Variants in INVS observed in about 807,000 individuals in gnomAD.
INVS encodes inversion of embryo turning homolog.
Under a neutral mutation model 108.8 loss-of-function variants are expected in INVS, and 86 were observed. That is an observed-to-expected ratio of 0.79 (90% CI 0.66 to 0.95). The LOEUF (loss-of-function observed/expected upper bound fraction) is 0.95, where lower values mean the gene tolerates loss of function less well. INVS is among the 40% of genes least tolerant of loss of function. The pLI, the probability that INVS is intolerant of heterozygous loss-of-function variation, is 0.00. For missense variants in INVS, 1,169 were observed against 1,297.4 expected, an observed-to-expected ratio of 0.90 and a Z score of 1.52; for synonymous variants, 455 against 473.5, an observed-to-expected ratio of 0.96 and a Z score of 0.51.
chr9:100,245,883 G>A (rs1276592598), intron 7 of INVS, among the ~76,000 whole-genome samples: 2 of 152,086 alleles, frequency 1.3e-5, no homozygotes, highest in African/African-American at 2.4e-5. Context: ...GTATTTTATG[G>A]GCCAGGTACA....
At chr9:100,221,899 A>G (rs1298125089) in intron 3 of INVS, among the ~76,000 whole-genome samples, 2 of 152,124 alleles carry the variant, frequency 1.3e-5, no homozygotes, top group Non-Finnish European at 2.9e-5. Flanking sequence ...TGCCTAATTT[A>G]TAAATTAAAC....
intron 5 of INVS, among the ~76,000 whole-genome samples, chr9:100,235,752 G>A (rs1831669625): frequency 6.6e-6 from 1 of 152,160 alleles, no homozygotes; most frequent in Non-Finnish European, 1.5e-5. Context: ...AGTCTGATGG[G>A]TTTCCCTTTA....
At chr9:100,155,320 A>G (rs886272116) in intron 3 of INVS, among the ~76,000 whole-genome samples, 9 of 151,786 alleles carry the variant, frequency 5.9e-5, no homozygotes, top group African/African-American at 2.2e-4. Context: ...TATTCAAGTG[A>G]ATTTATTATT....
chr9:100,157,434 T>C (rs534065018), intron 3 of INVS, among the ~76,000 whole-genome samples: 2 of 151,780 alleles, frequency 1.3e-5, no homozygotes, highest in East Asian at 3.9e-4. Flanking sequence ...CTGGCTAATT[T>C]TTTTTGTATT....
At chr9:100,180,745 T>C (rs941718759) in intron 3 of INVS, among the ~76,000 whole-genome samples, 2 of 151,776 alleles carry the variant, frequency 1.3e-5, no homozygotes, top group East Asian at 1.9e-4. Flanking sequence ...TTCCAATCAA[T>C]AGAAAAAGAG....
chr9:100,176,352 A>G (rs1829710663), intron 3 of INVS, among the ~76,000 whole-genome samples: 1 of 152,242 alleles, frequency 6.6e-6, no homozygotes, highest in South Asian at 2.1e-4. Context: ...ATAAGTAGAT[A>G]TAATACTAGT....
chr9:100,279,034 T>C (rs1482516012), intron 12 of INVS, among the ~76,000 whole-genome samples: 1 of 152,178 alleles, frequency 6.6e-6, no homozygotes, highest in Non-Finnish European at 1.5e-5. Flanking sequence ...TTAGAGAATA[T>C]TGGGAAGAAC....
At chr9:100,193,209 G>C (rs1830277046) in intron 3 of INVS, among the ~76,000 whole-genome samples, 1 of 151,942 alleles carries the variant, frequency 6.6e-6, no homozygotes, top group South Asian at 2.1e-4. Context: ...TATACTGCTG[G>C]CCATGAACAA....
chr9:100,230,021 T>C (rs1345660730), intron 5 of INVS, among the ~76,000 whole-genome samples, 194 bp downstream of exon 5: 3 of 152,182 alleles, frequency 2.0e-5, no homozygotes, highest in Non-Finnish European at 4.4e-5. Flanking sequence ...AGGTTTCCTA[T>C]GTCCCAGTTT....
At chr9:100,242,966 T>C (rs1831927556) in intron 7 of INVS, among the ~76,000 whole-genome samples, 1 of 152,222 alleles carries the variant, frequency 6.6e-6, no homozygotes, top group African/African-American at 2.4e-5. Context: ...CTTAGACTCA[T>C]TTGTCTGTTT....
Position 100,300,586 on chromosome 9 carries a change from T to C in INVS, c.3110T>C (p.Ile1037Thr). ...RLNSVSNLQC[I>T]HLLENSGRSK... ...TTAACAGTGAGCAACCTACAGTGTA[T>C]ACATCTCCTTGAGAACAGTGGAAGA... The change falls in exon 17 of 17, where the codon ATA becomes ACA. Residue 1037 changes from isoleucine to threonine, a missense_variant. Physicochemically the swap from Ile to Thr is moderately conservative, Grantham distance 89 (BLOSUM62 -1). Around this residue, in one of 3 missense-constraint regions of INVS, gnomAD observed 533 missense variants for 536.0 expected, o/e 0.99. Coordinates refer to ENST00000262457, the MANE Select transcript of INVS (RefSeq NM_014425.5). The C allele has an allele frequency of 6.2e-7, 1 of 1,612,104 alleles. No individual in the cohort carries two copies. The highest frequency in any genetic ancestry group is 8.5e-7 in the Non-Finnish European group (1 of 1,178,164).
chr9:100,282,407 G>T (rs142674595), intron 12 of INVS, among the ~76,000 whole-genome samples: 1 of 152,256 alleles, frequency 6.6e-6, no homozygotes, highest in East Asian at 1.9e-4. Context: ...CCATGTTCTC[G>T]GTAATGGGAC....
chr9:100,208,542 C>A (rs920824830), intron 3 of INVS, among the ~76,000 whole-genome samples: 2 of 152,132 alleles, frequency 1.3e-5, no homozygotes, highest in Non-Finnish European at 2.9e-5. Flanking sequence ...ACAGGTCCCC[C>A]AAAGGCACAC....
At chr9:100,105,850 CTTT>C (rs543070811) in intron 2 of INVS, among the ~76,000 whole-genome samples, 2 of 63,786 alleles carry the variant, frequency 3.1e-5, no homozygotes, top group Non-Finnish European at 5.6e-5. Flanking sequence ...GAAAAATTCC[CTTT>C]TTTTTTTTTT....
chr9:100,271,495 A>G (rs908333518), intron 11 of INVS, among the ~76,000 whole-genome samples: 5 of 152,232 alleles, frequency 3.3e-5, no homozygotes, highest in African/African-American at 1.2e-4. Flanking sequence ...GCAGATCTAT[A>G]AGATAAATTC....
chr9:100,246,539 C>A (rs910774647), intron 7 of INVS, 77 bp from the exon 8 acceptor site: 1 of 1,006,666 alleles, frequency 9.9e-7, no homozygotes, highest in African/African-American at 1.6e-5. Flanking sequence ...ATGGAATTCA[C>A]ATATTATTAT....
intron 3 of INVS, among the ~76,000 whole-genome samples, chr9:100,131,447 A>G (rs1238270449): frequency 6.6e-6 from 1 of 152,200 alleles, no homozygotes. Flanking sequence ...AATGGTACCC[A>G]TGAGAATAAA....
intron 3 of INVS, among the ~76,000 whole-genome samples, chr9:100,218,211 T>TA (rs1831048916): frequency 6.6e-6 from 1 of 151,744 alleles, no homozygotes; most frequent in Non-Finnish European, 1.5e-5. Flanking sequence ...TAGTGAACAT[T>TA]TATATATATA....
intron 3 of INVS, among the ~76,000 whole-genome samples, chr9:100,199,790 G>A (rs1193935762): frequency 1.3e-5 from 2 of 152,062 alleles, no homozygotes; most frequent in Non-Finnish European, 2.9e-5. Context: ...GTGCATAGAG[G>A]TAGTTTTCTT....
Sources: gnomAD v4.1 joint callset for allele counts (sites outside exome capture counted in the v4.1 genomes callset) on GRCh38, gnomAD v4.1.1 for gene constraint, gnomAD v4.1.1 regional missense constraint, MANE v1.5 for transcripts, NCBI Gene and HGNC (gene_info 2026-07-23, HGNC 2026-07-21) for gene names.